The following NRP1 variants were observed in gnomAD, a reference collection of about 807,000 sequenced individuals.
The protein encoded by NRP1 is neuropilin-1.
Under a neutral mutation model 106.7 loss-of-function variants are expected in NRP1, and 35 were observed. The observed-to-expected ratio is 0.33, with a 90% confidence interval of 0.25 to 0.43. NRP1 has a LOEUF of 0.43. NRP1 is among the 20% of genes least tolerant of loss of function. The pLI is 1.00. For missense variants in NRP1, 1,024 were observed against 1,170.4 expected (o/e 0.87, Z 1.83); for synonymous variants, 437 against 417.9 (o/e 1.05, Z -0.56).
intron 2 of NRP1, among the ~76,000 whole-genome samples, chr10:33,301,211 A>C (rs1385169143): frequency 6.6e-6 from 1 of 152,208 alleles, no homozygotes; most frequent in Non-Finnish European, 1.5e-5. Context: ...GGAGAACTGA[A>C]TGTCGAGGGC....
rs1357514435 is a variant in NRP1 at position 33,179,073 on chromosome 10, A to G, written c.*1003T>C. The G allele has an allele frequency of 6.6e-6, 1 of 152,652 alleles. No individual in the cohort carries two copies. The highest frequency in any genetic ancestry group is 1.5e-5 in the Non-Finnish European group (1 of 68,044). 9.5% of individuals were successfully genotyped at this position (152,652 alleles called of 1,614,324 possible). A position where few individuals can be genotyped will look rare whatever the true frequency, so the allele number is the denominator to read the frequency against. On this transcript the variant is annotated 3_prime_UTR_variant, in exon 17 of 17. Transcript: ENST00000374867. ...ATACATTCCATATGAAAGAACAATAAGAGAGAATATTGTAGCTTTATACAA... is the reference window on the plus strand; with the variant it reads ...ATACATTCCATATGAAAGAACAATAGGAGAGAATATTGTAGCTTTATACAA...
At chr10:33,215,807 G>C (rs1197531462) in intron 8 of NRP1, among the ~76,000 whole-genome samples, 2 of 152,224 alleles carry the variant, frequency 1.3e-5, no homozygotes, top group African/African-American at 4.8e-5. Context: ...GTGCCTTCTT[G>C]TCTAGAAATT....
chr10:33,223,683 A>G (rs942282785), intron 7 of NRP1, among the ~76,000 whole-genome samples: 7 of 152,158 alleles, frequency 4.6e-5, no homozygotes, highest in Admixed American at 1.3e-4. Flanking sequence ...AGACGATCTG[A>G]TATCCTAATT....
At chr10:33,322,531 G>A (rs986932391) in intron 2 of NRP1, among the ~76,000 whole-genome samples, 2 of 152,028 alleles carry the variant, frequency 1.3e-5, no homozygotes, top group African/African-American at 4.8e-5. Flanking sequence ...TTACAGGTGT[G>A]CACCACCACA....
intron 6 of NRP1, among the ~76,000 whole-genome samples, chr10:33,234,837 A>G (rs1190817333): frequency 6.6e-6 from 1 of 152,222 alleles, no homozygotes; most frequent in East Asian, 1.9e-4. Context: ...GAATGAACAG[A>G]TGAATTTTCC....
intron 2 of NRP1, among the ~76,000 whole-genome samples, chr10:33,318,280 T>G (rs71495024): frequency 6.6e-6 from 1 of 152,190 alleles, no homozygotes; most frequent in African/African-American, 2.4e-5. Context: ...GGTGCCATAA[T>G]GAGCCATTCA....
In NRP1 at chr10:33,279,133, TG is replaced by T. The variant is rs371584216; in HGVS notation, c.249-8278del. Among the ~76,000 whole-genome samples the T allele has an allele frequency of 6.8e-4, 103 of 152,332 alleles. No individual in the cohort carries two copies. In the East Asian group the frequency reaches 0.012, roughly 18 times the overall value. On this transcript the variant is annotated intron_variant, in intron 2 of 16. Coordinates refer to ENST00000374867, the MANE Select transcript of NRP1 (RefSeq NM_003873.7). ...GAAGGGGAGAAACCAAGGCAATGTA[TG>T]TCTAGCAGATAGTGTACTGCTGGTT...
At chr10:33,253,102 G>C (rs1841975694) in intron 6 of NRP1, among the ~76,000 whole-genome samples, 1 of 151,766 alleles carries the variant, frequency 6.6e-6, no homozygotes, top group African/African-American at 2.4e-5. Flanking sequence ...AAGGAAGCCT[G>C]GATCCTTCAG....
chr10:33,207,478 G>A (rs1193515437), intron 10 of NRP1, 94 bp downstream of exon 10: 3 of 1,417,562 alleles, frequency 2.1e-6, no homozygotes, highest in Non-Finnish European at 2.9e-6. Context: ...AAGGGAAAAG[G>A]GTAGGCAATT....
chr10:33,282,329 A>T (rs11009333), intron 2 of NRP1, among the ~76,000 whole-genome samples: 62,620 of 152,016 alleles, frequency 0.41, 14,909 homozygotes, highest in South Asian at 0.56. Context: ...GCATCACAAA[A>T]TCATGATCCT....
intron 2 of NRP1, among the ~76,000 whole-genome samples, chr10:33,327,893 C>T (rs1012551733): frequency 6.6e-6 from 1 of 152,088 alleles, no homozygotes; most frequent in Admixed American, 6.5e-5. Flanking sequence ...ATAAAAAGCT[C>T]ACAATGCAAC....
intron 2 of NRP1, among the ~76,000 whole-genome samples, chr10:33,307,925 T>G (rs1846285001): frequency 6.6e-6 from 1 of 152,154 alleles, no homozygotes; most frequent in African/African-American, 2.4e-5. Flanking sequence ...CATATGTTCT[T>G]TATAGCACTA....
intron 6 of NRP1, among the ~76,000 whole-genome samples, chr10:33,251,847 C>T (rs1469342025): frequency 1.3e-5 from 2 of 152,064 alleles, no homozygotes; most frequent in Non-Finnish European, 2.9e-5. Flanking sequence ...ATTACTGATA[C>T]GGGAGTGCTG....
intron 2 of NRP1, among the ~76,000 whole-genome samples, chr10:33,326,490 G>C (rs553236366): frequency 3.9e-5 from 6 of 151,934 alleles, no homozygotes; most frequent in Non-Finnish European, 8.8e-5. Flanking sequence ...CACCTTCTTC[G>C]GTCAGAGCAT....
chr10:33,258,561 A>G (rs1267198847), intron 4 of NRP1, among the ~76,000 whole-genome samples: 1 of 152,210 alleles, frequency 6.6e-6, no homozygotes, highest in African/African-American at 2.4e-5. Flanking sequence ...ATAGCTTTGC[A>G]TTATGGAAGC....
intron 2 of NRP1, among the ~76,000 whole-genome samples, chr10:33,320,226 T>C (rs1847395710): frequency 6.6e-6 from 1 of 150,500 alleles, no homozygotes. Context: ...GGCAGGAAAA[T>C]CGCTGGAACC....
intron 4 of NRP1, among the ~76,000 whole-genome samples, chr10:33,260,005 C>T (rs1406591769): frequency 6.6e-6 from 1 of 152,066 alleles, no homozygotes; most frequent in East Asian, 1.9e-4. Context: ...TAGGCTCATG[C>T]CACTACCACC....
intron 1 of NRP1, among the ~76,000 whole-genome samples, chr10:33,333,633 A>C (rs531260401): frequency 6.6e-6 from 1 of 152,380 alleles, no homozygotes; most frequent in African/African-American, 2.4e-5. Flanking sequence ...TATTTAGGTT[A>C]CATGGTACTG....
chr10:33,197,303 A>G (rs981135606), intron 12 of NRP1, among the ~76,000 whole-genome samples: 16 of 152,200 alleles, frequency 1.1e-4, no homozygotes, highest in Non-Finnish European at 1.6e-4. Context: ...TGGGATGAAA[A>G]TAAATAGTCG....
Sources: gnomAD v4.1 joint callset for allele counts (sites outside exome capture counted in the v4.1 genomes callset) on GRCh38, gnomAD v4.1.1 for gene constraint, MANE v1.5 for transcripts, NCBI Gene and HGNC (gene_info 2026-07-23, HGNC 2026-07-21) for gene names.